The following EFNA5 variants were observed in gnomAD, a reference collection of about 807,000 sequenced individuals.
The protein encoded by EFNA5 is ephrin A5, also known as ephrin-A5.
A neutral mutation model predicts 22.9 loss-of-function variants in EFNA5; 5 were observed. That is an observed-to-expected ratio of 0.22 (90% CI 0.11 to 0.46). EFNA5 has a LOEUF of 0.46. Ranked by LOEUF, EFNA5 falls within the 20% of genes least tolerant of loss-of-function variation. The probability of loss-of-function intolerance (pLI) is 0.99; values close to 1 mark genes in which losing one functional copy is unlikely to be tolerated. For synonymous variants in EFNA5, 113 were observed against 112.2 expected (o/e 1.01, Z -0.04); for missense variants, 237 against 293.3 (o/e 0.81, Z 1.40).
chr5:107,571,746 C>G (rs1327393465), intron 1 of EFNA5, among the ~76,000 whole-genome samples: 3 of 152,144 alleles, frequency 2.0e-5, no homozygotes, highest in South Asian at 2.1e-4. Context: ...GGCTGTCACC[C>G]TGACGAGAGA....
intron 1 of EFNA5, among the ~76,000 whole-genome samples, chr5:107,495,800 A>T (rs1161001219): frequency 6.6e-6 from 1 of 152,146 alleles, no homozygotes; most frequent in Non-Finnish European, 1.5e-5. Context: ...ATGGCCTATT[A>T]TATACAATGG....
chr5:107,587,766 C>T (rs1354902573), intron 1 of EFNA5, among the ~76,000 whole-genome samples: 2 of 152,236 alleles, frequency 1.3e-5, no homozygotes, highest in Non-Finnish European at 2.9e-5. Context: ...ATCCGCCCGC[C>T]TCGGCCTCCC....
intron 1 of EFNA5, among the ~76,000 whole-genome samples, chr5:107,437,478 A>G (rs1236610658): frequency 6.6e-6 from 1 of 152,232 alleles, no homozygotes; most frequent in Non-Finnish European, 1.5e-5. Context: ...CGTAGTCATA[A>G]AAAGTACTGA....
intron 2 of EFNA5, among the ~76,000 whole-genome samples, chr5:107,407,374 C>A (rs1748252329): frequency 6.6e-6 from 1 of 152,140 alleles, no homozygotes; most frequent in Non-Finnish European, 1.5e-5. Flanking sequence ...GCTAAAATCT[C>A]GGAATCACAA....
intron 1 of EFNA5, among the ~76,000 whole-genome samples, chr5:107,556,967 T>C (rs1370622514): frequency 1.3e-5 from 2 of 151,916 alleles, no homozygotes; most frequent in African/African-American, 4.8e-5. Context: ...CCAGCACATC[T>C]TACCTGCCCT....
chr5:107,567,849 G>C (rs193111200), intron 1 of EFNA5, among the ~76,000 whole-genome samples: 1 of 152,336 alleles, frequency 6.6e-6, no homozygotes, highest in African/African-American at 2.4e-5. Context: ...TGGGAATGAA[G>C]AATGTGTTTC....
chr5:107,517,746 G>A (rs1314242973), intron 1 of EFNA5, among the ~76,000 whole-genome samples: 1 of 152,144 alleles, frequency 6.6e-6, no homozygotes, highest in African/African-American at 2.4e-5. Flanking sequence ...AACAAACGAA[G>A]CAGGCTACGT....
At chr5:107,658,810 C>T (rs145092796) in intron 1 of EFNA5, among the ~76,000 whole-genome samples, 5 of 152,270 alleles carry the variant, frequency 3.3e-5, no homozygotes, top group Non-Finnish European at 5.9e-5. Context: ...TGCATTTCAA[C>T]GAAATCTCCA....
At chr5:107,521,463 T>C (rs1248811160) in intron 1 of EFNA5, among the ~76,000 whole-genome samples, 1 of 129,050 alleles carries the variant, frequency 7.7e-6, no homozygotes, top group East Asian at 2.0e-4. Context: ...TGGCTATATA[T>C]ATATATATAT....
At chr5:107,467,766 G>T (rs904025097) in intron 1 of EFNA5, among the ~76,000 whole-genome samples, 6 of 152,112 alleles carry the variant, frequency 3.9e-5, no homozygotes, top group Non-Finnish European at 5.9e-5. Flanking sequence ...CCAGAGGCAG[G>T]GCATGGAAAT....
intron 1 of EFNA5, among the ~76,000 whole-genome samples, chr5:107,559,862 C>T (rs1270778677): frequency 5.3e-5 from 8 of 152,176 alleles, no homozygotes; most frequent in Non-Finnish European, 1.0e-4. Context: ...TTAAAAAATA[C>T]TTCTTGCTGG....
chr5:107,470,687 T>C (rs1750115066), intron 1 of EFNA5, among the ~76,000 whole-genome samples: 1 of 152,154 alleles, frequency 6.6e-6, no homozygotes, highest in South Asian at 2.1e-4. Context: ...TTTTAAAGAT[T>C]AACATTGCTG....
intron 1 of EFNA5, among the ~76,000 whole-genome samples, chr5:107,446,545 C>T (rs534270851): frequency 1.7e-4 from 26 of 152,034 alleles, no homozygotes; most frequent in African/African-American, 4.3e-4. Flanking sequence ...ATCAGGAGAT[C>T]GAGACCAGAC....
At chr5:107,466,931 C>T (rs1303862560) in intron 1 of EFNA5, among the ~76,000 whole-genome samples, 2 of 152,092 alleles carry the variant, frequency 1.3e-5, no homozygotes, top group African/African-American at 2.4e-5. Context: ...TTGGGAAGAG[C>T]GTTAGGTTTG....
chr5:107,630,733 A>C (rs947387909), intron 1 of EFNA5, among the ~76,000 whole-genome samples: 1 of 152,160 alleles, frequency 6.6e-6, no homozygotes, highest in Non-Finnish European at 1.5e-5. Flanking sequence ...TTTACTTTAT[A>C]AACTTTTCAT....
chr5:107,563,245 T>A (rs1748587473), intron 1 of EFNA5, among the ~76,000 whole-genome samples: 4 of 152,084 alleles, frequency 2.6e-5, no homozygotes, highest in Admixed American at 2.6e-4. Context: ...ACAGCTTATC[T>A]CCAGCTGGCT....
intron 1 of EFNA5, among the ~76,000 whole-genome samples, chr5:107,454,099 T>C (rs975809870): frequency 2.0e-4 from 31 of 152,304 alleles, no homozygotes; most frequent in African/African-American, 6.7e-4. Flanking sequence ...TGAACGTTTT[T>C]CCTTCTGTCA....
At chr5:107,561,436 T>C (rs763148544) in intron 1 of EFNA5, among the ~76,000 whole-genome samples, 1 of 152,146 alleles carries the variant, frequency 6.6e-6, no homozygotes, top group Non-Finnish European at 1.5e-5. Context: ...TGGCGCTATC[T>C]TGGCCCACTG....
At chr5:107,464,112 C>T (rs17159999) in intron 1 of EFNA5, among the ~76,000 whole-genome samples, 5,653 of 152,146 alleles carry the variant, frequency 0.037, 367 homozygotes, top group African/African-American at 0.13. Flanking sequence ...TCATGGGATT[C>T]AAAAAGAGGC....
Sources: gnomAD v4.1 joint callset for allele counts (sites outside exome capture counted in the v4.1 genomes callset) on GRCh38, gnomAD v4.1.1 for gene constraint, MANE v1.5 for transcripts, NCBI Gene and HGNC (gene_info 2026-07-23, HGNC 2026-07-21) for gene names.